The following NTN1 variants were observed in gnomAD, a reference collection of about 807,000 sequenced individuals.
The protein encoded by NTN1 is netrin-1.
A neutral mutation model predicts 54.2 loss-of-function variants in NTN1; 11 were observed. The observed-to-expected ratio is 0.20, with a 90% CI of 0.13 to 0.34. The LOEUF (loss-of-function observed/expected upper bound fraction) is 0.34. Among genes scored for constraint, NTN1 ranks in the 10% least tolerant of loss-of-function variants. The pLI is 1.00. For synonymous variants in NTN1, 371 were observed against 382.0 expected (o/e 0.97, Z 0.33); for missense variants, 740 against 893.1 (o/e 0.83, Z 2.18).
chr17:9,199,700 A>G (rs531175948), intron 5 of NTN1, among the ~76,000 whole-genome samples: 1 of 152,344 alleles, frequency 6.6e-6, no homozygotes, highest in Admixed American at 6.5e-5. Context: ...CAGTCACATG[A>G]CCACCCCAAC....
chr17:9,223,295 T>C (rs957532030), intron 6 of NTN1, among the ~76,000 whole-genome samples: 1 of 152,224 alleles, frequency 6.6e-6, no homozygotes, highest in African/African-American at 2.4e-5. Context: ...CTCACGCCTG[T>C]AATCCCAGCA....
chr17:9,108,109 A>G (rs920907924), intron 2 of NTN1, among the ~76,000 whole-genome samples: 2 of 152,232 alleles, frequency 1.3e-5, no homozygotes, highest in African/African-American at 4.8e-5. Context: ...GGTTCTACAA[A>G]TAACTGAATC....
intron 5 of NTN1, among the ~76,000 whole-genome samples, chr17:9,192,057 G>A (rs1220733302): frequency 2.6e-5 from 4 of 152,092 alleles, no homozygotes; most frequent in Non-Finnish European, 5.9e-5. Context: ...AAAAGGGTTG[G>A]GGAAGCAGGT....
intron 2 of NTN1, among the ~76,000 whole-genome samples, chr17:9,036,896 G>T (rs1202335627): frequency 6.6e-6 from 1 of 152,106 alleles, no homozygotes; most frequent in Non-Finnish European, 1.5e-5. Context: ...CCTCACTTGG[G>T]CCTACCCTCC....
chr17:9,070,195 C>G lies in NTN1; in HGVS notation c.1018+46804C>G, dbSNP rs115014075. On this transcript the variant is annotated intron_variant, in intron 2 of 6. Transcript: ENST00000173229. ...ACTGTGACTCAGTTTCTCTTTCTGT[C>G]TATTATTATTGCCCTCTTCGTGTGA... 7.0e-3 allele frequency among the ~76,000 whole-genome samples: 1,061 copies of G among 152,204 alleles called. 16 individuals carry two copies. Among genetic ancestry groups the G allele is most frequent in the African/African-American group, 0.024 (1,004 of 41,510 alleles).
intron 6 of NTN1, among the ~76,000 whole-genome samples, chr17:9,236,744 G>T (rs994359725): frequency 4.6e-5 from 7 of 152,218 alleles, no homozygotes; most frequent in Non-Finnish European, 8.8e-5. Flanking sequence ...CCAGAGGAAG[G>T]TACCTTTCAG....
chr17:9,130,763 C>G (rs1276329012), intron 2 of NTN1, among the ~76,000 whole-genome samples: 1 of 152,174 alleles, frequency 6.6e-6, no homozygotes, highest in African/African-American at 2.4e-5. Flanking sequence ...ATTACCCTAC[C>G]CTGATTCAGG....
chr17:9,070,058 G>T (rs931490279), intron 2 of NTN1, among the ~76,000 whole-genome samples: 1 of 152,178 alleles, frequency 6.6e-6, no homozygotes, highest in African/African-American at 2.4e-5. Flanking sequence ...CTTCTTCGTA[G>T]GTTGTGTAGA....
chr17:9,123,237 A>G (rs918034550), intron 2 of NTN1, among the ~76,000 whole-genome samples: 3 of 152,224 alleles, frequency 2.0e-5, no homozygotes, highest in Non-Finnish European at 4.4e-5. Context: ...TTGGAAGACA[A>G]AAAGTGATAT....
At chr17:9,017,699 C>T (rs139518042), upstream of NTN1, among the ~76,000 whole-genome samples, 9 of 152,330 alleles carry the variant, frequency 5.9e-5, no homozygotes, top group East Asian at 3.9e-4. Flanking sequence ...TGCACTGTTG[C>T]GTTTTGAACT....
intron 2 of NTN1, among the ~76,000 whole-genome samples, chr17:9,136,863 T>TTCCTTCCTCACTCCTGCCCAGC (rs2092282991): frequency 6.6e-6 from 1 of 152,182 alleles, no homozygotes; most frequent in South Asian, 2.1e-4. Flanking sequence ...GTTCAGACCT[T>TTCCTTCCTCACTCCTGCCCAGC]TCCTTCCTCA....
chr17:9,225,717 C>T (rs537419044), intron 6 of NTN1, among the ~76,000 whole-genome samples: 304 of 152,108 alleles, frequency 2.0e-3, no homozygotes, highest in Non-Finnish European at 3.3e-3. Flanking sequence ...CCAAACCGGG[C>T]GGGCCAGGGC....
chr17:9,074,460 T>C (rs1446147544), intron 2 of NTN1, among the ~76,000 whole-genome samples: 6 of 152,186 alleles, frequency 3.9e-5, no homozygotes, highest in Non-Finnish European at 8.8e-5. Flanking sequence ...TGGAAATTCA[T>C]CTGCACCACT....
At chr17:9,078,473 C>A (rs772142517) in intron 2 of NTN1, among the ~76,000 whole-genome samples, 1 of 152,174 alleles carries the variant, frequency 6.6e-6, no homozygotes, top group African/African-American at 2.4e-5. Flanking sequence ...CTCTGGCTCC[C>A]GACTGCATTT....
At chr17:9,173,150 C>T (rs552699012) in intron 3 of NTN1, 1 of 152,514 alleles carries the variant, frequency 6.6e-6, no homozygotes, top group East Asian at 1.9e-4. Flanking sequence ...CCCCTGGTCT[C>T]TCTGTCTGCC....
intron 5 of NTN1, among the ~76,000 whole-genome samples, chr17:9,203,902 C>T (rs985740836): frequency 6.6e-6 from 1 of 151,996 alleles, no homozygotes; most frequent in African/African-American, 2.4e-5. Context: ...AAAACCATGC[C>T]CTCTAAGTTT....
chr17:9,226,296 T>G (rs1039823152), intron 6 of NTN1, among the ~76,000 whole-genome samples: 3 of 152,086 alleles, frequency 2.0e-5, no homozygotes, highest in Admixed American at 2.0e-4. Flanking sequence ...CGCCGGGGCC[T>G]CGGTTTCCTC....
chr17:9,220,997 C>A (rs946880486), intron 5 of NTN1, among the ~76,000 whole-genome samples, 171 bp from the exon 6 acceptor site: 1 of 151,952 alleles, frequency 6.6e-6, no homozygotes, highest in Non-Finnish European at 1.5e-5. Context: ...GTCCCTCAGG[C>A]CTCTTTAGAA....
chr17:9,055,245 C>A (rs915211836), intron 2 of NTN1, among the ~76,000 whole-genome samples: 11 of 152,212 alleles, frequency 7.2e-5, no homozygotes, highest in Non-Finnish European at 1.5e-5. Context: ...CATGACTCAT[C>A]CATTCACTCA....
Sources: gnomAD v4.1 joint callset for allele counts (sites outside exome capture counted in the v4.1 genomes callset) on GRCh38, gnomAD v4.1.1 for gene constraint, MANE v1.5 for transcripts, NCBI Gene and HGNC (gene_info 2026-07-23, HGNC 2026-07-21) for gene names.